The following HUWE1 variants were observed in gnomAD, a reference collection of about 807,000 sequenced individuals.
HUWE1 encodes E3 ubiquitin-protein ligase HUWE1.
Under a neutral mutation model 299.4 loss-of-function variants are expected in HUWE1, and 18 were observed. The ratio of observed to expected loss-of-function variants is 0.06; its 90% CI spans 0.04 to 0.09. The LOEUF (loss-of-function observed/expected upper bound fraction) is 0.09, where lower values mean the gene tolerates loss of function less well. Ranked by LOEUF, HUWE1 falls within the 10% of genes least tolerant of loss-of-function variation. HUWE1 has a pLI of 1.00. For synonymous variants in HUWE1, 1,317 were observed against 1,286.1 expected (o/e 1.02, Z -0.51); for missense variants, 1,832 against 3,462.3 (o/e 0.53, Z 11.82).
intron 82 of HUWE1, 134 bp from the exon 83 acceptor site, chrX:53,534,331 C>T (rs1187597774): frequency 1.0e-5 from 7 of 696,230 alleles, no homozygotes; most frequent in Non-Finnish European, 1.5e-5. Context: ...GCTTTAGCTC[C>T]TTTCATTCAT....
intron 49 of HUWE1, among the ~76,000 whole-genome samples, chrX:53,566,061 T>A (rs1458375904): frequency 1.9e-5 from 2 of 104,239 alleles, no homozygotes; most frequent in Non-Finnish European, 3.9e-5. Context: ...TCTGCTTTTA[T>A]CTGCTTTATG....
intron 3 of HUWE1, among the ~76,000 whole-genome samples, chrX:53,673,922 G>GT (rs1249629832): frequency 9.1e-6 from 1 of 110,495 alleles, no homozygotes; most frequent in South Asian, 3.8e-4. Flanking sequence ...GTTTGCCATG[G>GT]TTTTTTTTAA....
intron 30 of HUWE1, 118 bp from the exon 31 acceptor site, chrX:53,594,739 A>G: frequency 1.5e-6 from 1 of 685,058 alleles, no homozygotes; most frequent in Admixed American, 2.6e-5. Flanking sequence ...CCTCCCACCT[A>G]CTAAAGAATA....
chrX:53,625,799 AGGGCCAGGGCCG>A lies in HUWE1; in HGVS notation c.1490-553_1490-542del, dbSNP rs1348153466. 37 of 122,562 alleles carry A rather than the reference AGGGCCAGGGCCG, an allele frequency of 3.0e-4. No homozygotes were observed. Among genetic ancestry groups the A allele is most frequent in the Non-Finnish European group, 5.5e-4 (30 of 54,821 alleles). The allele number at this position is 122,562 out of a possible 1,213,427, so 10.1% of individuals were successfully genotyped here. A position where few individuals can be genotyped will look rare whatever the true frequency, so the allele number is the denominator to read the frequency against. ...GTGTGTACGCACCAGGACGGGGGCCAGGGCCAGGGCCGGGGCCAGGGCCGGGACCAGGACCGG... is the reference window on the plus strand; with the variant it reads ...GTGTGTACGCACCAGGACGGGGGCCAGGGCCAGGGCCGGGACCAGGACCGG... On this transcript the variant is annotated intron_variant, in intron 17 of 83. Coordinates refer to ENST00000262854, the MANE Select transcript of HUWE1 (RefSeq NM_031407.7).
At chrX:53,659,888 A>G (rs946155693) in intron 3 of HUWE1, among the ~76,000 whole-genome samples, 1 of 112,291 alleles carries the variant, frequency 8.9e-6, no homozygotes, top group Non-Finnish European at 1.9e-5. Context: ...CAATCCTCCA[A>G]AACAAGAGCA....
intron 5 of HUWE1, among the ~76,000 whole-genome samples, chrX:53,647,836 A>C (rs1294609294): frequency 2.7e-5 from 3 of 112,442 alleles, no homozygotes; most frequent in Non-Finnish European, 5.6e-5. Context: ...CTCCGGTTAC[A>C]TTCTAAGATC....
rs181542067 is a variant in HUWE1, at chrX:53,535,141, G to C, written c.12649+243C>G. On this transcript the variant is annotated intron_variant, in intron 81 of 83. Transcript: ENST00000262854. ...GTAGAGACGGGGTTTCACCATGTTG[G>C]CCAGGCTGGTCTCAAACTCCTCACC... 4.5e-5 allele frequency among the ~76,000 whole-genome samples: 5 copies of C among 110,626 alleles called. No individual in the cohort carries two copies. The East Asian group carries it at 1.4e-3, about 32-fold the overall frequency.
chrX:53,555,238 T>C (rs1313684656), intron 60 of HUWE1, among the ~76,000 whole-genome samples: 4 of 112,046 alleles, frequency 3.6e-5, no homozygotes, highest in Non-Finnish European at 5.6e-5. Flanking sequence ...CTCTGACCTA[T>C]AGGTACACAG....
chrX:53,554,527 G>T, intron 61 of HUWE1, 106 bp downstream of exon 61: 1 of 824,931 alleles, frequency 1.2e-6, no homozygotes, highest in Non-Finnish European at 1.8e-6. Flanking sequence ...TATTTGAGAA[G>T]TTGAACTCCT....
chrX:53,671,476 A>G (rs1398527704), intron 3 of HUWE1, among the ~76,000 whole-genome samples: 1 of 111,794 alleles, frequency 8.9e-6, no homozygotes, highest in Non-Finnish European at 1.9e-5. Context: ...TGCATACAAT[A>G]AAATACAATG....
chrX:53,626,216 C>CGTGTGTGTGT (rs58080331), intron 17 of HUWE1, among the ~76,000 whole-genome samples: 27 of 94,925 alleles, frequency 2.8e-4, no homozygotes, highest in African/African-American at 9.8e-4. Flanking sequence ...CATACATACA[C>CGTGTGTGTGT]GTGTGTGTGT....
At chrX:53,610,715 A>T (rs1176220226) in intron 23 of HUWE1, among the ~76,000 whole-genome samples, 1 of 111,928 alleles carries the variant, frequency 8.9e-6, no homozygotes, top group East Asian at 2.8e-4. Flanking sequence ...ACTCTGACAA[A>T]GGAGCCCTCC....
In HUWE1 at chrX:53,583,752, G is replaced by T; in HGVS notation, c.5326C>A (p.His1776Asn). The change falls in exon 42 of 84, where the codon CAT becomes AAT. Residue 1776 changes from histidine (H) to asparagine (N), a missense_variant. This residue lies in a region of HUWE1 where 50 missense variants were observed against 114.9 expected (regional missense o/e 0.44). Transcript: ENST00000262854. The stretch of plus-strand genomic sequence containing the variant: ...CTCAGACAGAGACGAAGGGTGGCAT[G>T]CAAAGTATCTGGGTCCACAGGGACT... ...LGVPVDPDTL[H>N]ATLRLCLRLT... is the part of the protein sequence containing the mutation. 1 of 1,211,148 alleles carries T rather than the reference G, an allele frequency of 8.3e-7. No individual in the cohort carries two copies. Among genetic ancestry groups the T allele is most frequent in the Non-Finnish European group, 1.1e-6 (1 of 895,177 alleles).
chrX:53,540,982 G>A (rs2061320365), intron 74 of HUWE1, among the ~76,000 whole-genome samples: 1 of 111,635 alleles, frequency 9.0e-6, no homozygotes, highest in Admixed American at 9.5e-5. Context: ...GGTAAAAGAA[G>A]GTGAATACAG....
intron 3 of HUWE1, among the ~76,000 whole-genome samples, chrX:53,664,614 C>T (rs966221774): frequency 8.9e-6 from 1 of 111,975 alleles, no homozygotes; most frequent in African/African-American, 3.2e-5. Flanking sequence ...GGAAGCATTA[C>T]GGCAGTTCTT....
Position 53,533,249 on chromosome X carries a change from T to C in HUWE1, c.*60A>G. On this transcript the variant is annotated 3_prime_UTR_variant, in exon 84 of 84. Transcript: ENST00000262854. ...ATTTCTTTCTGGTTCTTTTTTTAACTCCCCCCTCCCCAGGTCCAACAATGG... is the reference window on the plus strand; with the variant it reads ...ATTTCTTTCTGGTTCTTTTTTTAACCCCCCCCTCCCCAGGTCCAACAATGG... 1 of 711,424 alleles carries C rather than the reference T, an allele frequency of 1.4e-6. No homozygotes were observed. The highest frequency in any genetic ancestry group is 2.2e-6 in the Non-Finnish European group (1 of 458,383). The allele number at this position is 711,424 out of a possible 1,213,427, so 58.6% of individuals were successfully genotyped here.
intron 51 of HUWE1, 50 bp downstream of exon 51, chrX:53,564,524 G>A: frequency 8.4e-7 from 1 of 1,196,650 alleles, no homozygotes; most frequent in Non-Finnish European, 1.1e-6. Flanking sequence ...CCTGGCAAGG[G>A]TTTGGTTCAG....
intron 33 of HUWE1, 66 bp from the exon 34 acceptor site, chrX:53,591,188 G>C: frequency 8.8e-7 from 1 of 1,140,537 alleles, no homozygotes; most frequent in Non-Finnish European, 1.2e-6. Flanking sequence ...TAAAAGGAAG[G>C]AACCTTTTCA....
At chrX:53,576,138 A>G (rs1473665592) in intron 44 of HUWE1, among the ~76,000 whole-genome samples, 1 of 112,072 alleles carries the variant, frequency 8.9e-6, no homozygotes, top group Admixed American at 9.4e-5. Flanking sequence ...TTCTGGGGTG[A>G]TAGGAGAACC....
Sources: allele counts gnomAD v4.1 joint callset (sites outside exome capture counted in the v4.1 genomes callset), GRCh38; gene constraint gnomAD v4.1.1; regional missense constraint gnomAD v4.1.1; transcripts MANE v1.5; gene names NCBI Gene and HGNC (gene_info 2026-07-23, HGNC 2026-07-21).